Variants in ZNF69 observed in about 807,000 individuals in gnomAD.
ZNF69 encodes ZNF3.
Under a neutral mutation model 50.9 loss-of-function variants are expected in ZNF69, and 47 were observed. That is an observed-to-expected ratio of 0.92 (90% CI 0.73 to 1.18). The LOEUF (loss-of-function observed/expected upper bound fraction) is 1.18, where lower values mean the gene tolerates loss of function less well. Ranked by LOEUF, ZNF69 falls within the 50% of genes most tolerant of loss-of-function variation. The pLI is 0.00. For missense variants in ZNF69, 717 were observed against 675.1 expected (o/e 1.06, Z -0.69); for synonymous variants, 216 against 223.1 (o/e 0.97, Z 0.29).
Position 11,906,238 on chromosome 19 carries a change from A to G in ZNF69, c.*140A>G, listed in dbSNP as rs566977483. 5.3e-6 allele frequency: 8 copies of G among 1,509,368 alleles called. No individual in the cohort carries two copies. The highest frequency in any genetic ancestry group is 1.8e-4 in the Middle Eastern group (1 of 5,594). The allele number at this position is 1,509,368 out of a possible 1,614,324, so 93.5% of individuals were successfully genotyped here. A position where few individuals can be genotyped will look rare whatever the true frequency, so the allele number is the denominator to read the frequency against. On this transcript the variant is annotated 3_prime_UTR_variant, in exon 4 of 4. Coordinates refer to ENST00000429654, the MANE Select transcript of ZNF69 (RefSeq NM_001364730.1). ...AATTCAGTAAAGGACACAAGCACAC[A>G]TAAGAATGCATTCTGGATAGCTGAA...
At chr19:11,904,531 C>T in intron 3 of ZNF69, 118 bp from the exon 4 acceptor site, 1 of 1,381,462 alleles carries the variant, frequency 7.2e-7, no homozygotes, top group South Asian at 1.5e-5. Context: ...ACAATTCAGA[C>T]AGGGCAGAAA....
the ZNF69 span, among the ~76,000 whole-genome samples, chr19:11,966,964 C>T: frequency 6.6e-6 from 1 of 152,130 alleles, no homozygotes; most frequent in Non-Finnish European, 1.5e-5. Context: ...CCTCATCAGA[C>T]CCCAAGAGGG....
At chr19:11,959,686 C>T in the ZNF69 span, among the ~76,000 whole-genome samples, 1 of 152,118 alleles carries the variant, frequency 6.6e-6, no homozygotes. Context: ...ATCTTTTGAT[C>T]TTATTGATAG....
chr19:11,901,690 G>A (rs1161813452), intron 1 of ZNF69, among the ~76,000 whole-genome samples: 7 of 151,710 alleles, frequency 4.6e-5, no homozygotes, highest in South Asian at 2.1e-4. Flanking sequence ...CACCATGTTG[G>A]CCAGAGTGGT....
At chr19:11,921,143 A>G in the ZNF69 span, among the ~76,000 whole-genome samples, 1 of 152,156 alleles carries the variant, frequency 6.6e-6, no homozygotes, top group Non-Finnish European at 1.5e-5. Flanking sequence ...CCAATAATCC[A>G]AAGACTAACA....
rs1281887174 is a variant in ZNF69 at position 11,905,407 on chromosome 19, G to A, written c.1010G>A (p.Cys337Tyr). 3.7e-6 allele frequency: 6 copies of A among 1,614,192 alleles called. No individual in the cohort carries two copies. The highest frequency in any genetic ancestry group is 3.3e-5 in the South Asian group (3 of 91,082). Reference sequence around the variant, plus strand: ...AAAAAACCCTATGAATGTACGCAGTGTGGGAAAGCATTATCCTCTCTTACA... The same window carrying A: ...AAAAAACCCTATGAATGTACGCAGTATGGGAAAGCATTATCCTCTCTTACA... The part of the protein sequence containing the change: ...SRKKPYECTQ[C>Y]GKALSSLTSF... Residue 337 changes from cysteine (C) to tyrosine (Y), a missense_variant, in exon 4 of 4, where the codon TGT becomes TAT. By Grantham distance (194) the Cys-to-Tyr change is radical. Transcript: ENST00000429654.
chr19:11,905,842 T>C lies in ZNF69; in HGVS notation c.1445T>C (p.Leu482Pro). 1.2e-6 allele frequency: 2 copies of C among 1,613,568 alleles called. No individual in the cohort carries two copies. The highest frequency in any genetic ancestry group is 1.7e-6 in the Non-Finnish European group (2 of 1,179,952). ...HSGERPYKCK[L>P]CGKGFYCPKS... is the part of the protein sequence containing the mutation. ...GGAGAAAGACCTTATAAATGTAAGC[T>C]ATGTGGGAAAGGCTTTTATTGTCCC... is the stretch of plus-strand genomic sequence containing the variant. The change falls in exon 4 of 4, where the codon CTA becomes CCA. Residue 482 changes from leucine to proline, a missense_variant. Leu to Pro is a moderately conservative substitution (Grantham distance 98, BLOSUM62 -3). Transcript: ENST00000429654.
the ZNF69 span, among the ~76,000 whole-genome samples, chr19:11,921,288 G>GC: frequency 6.6e-6 from 1 of 151,896 alleles, no homozygotes; most frequent in African/African-American, 2.4e-5. Flanking sequence ...TCCTGCCTCA[G>GC]CCTCCCAAGT....
chr19:11,950,327 CTT>C, the ZNF69 span: 3 of 1,470,490 alleles, frequency 2.0e-6, no homozygotes, highest in African/African-American at 4.3e-5. Flanking sequence ...TGTGGCAAAA[CTT>C]TCACATTTTC....
chr19:11,963,097 G>A, the ZNF69 span, among the ~76,000 whole-genome samples: 2 of 151,788 alleles, frequency 1.3e-5, no homozygotes, highest in East Asian at 3.9e-4. Context: ...GAGTGTGTGT[G>A]TGTGTGTGTG....
the ZNF69 span, among the ~76,000 whole-genome samples, chr19:11,976,235 T>G: frequency 6.6e-6 from 1 of 151,486 alleles, no homozygotes; most frequent in African/African-American, 2.4e-5. Flanking sequence ...TTTCTGCATA[T>G]TAATTCATAG....
the ZNF69 span, among the ~76,000 whole-genome samples, chr19:11,944,279 A>T: frequency 1.3e-5 from 2 of 152,274 alleles, no homozygotes; most frequent in African/African-American, 4.8e-5. Flanking sequence ...ATAATATTTC[A>T]TAAGGGGAAT....
the ZNF69 span, chr19:11,947,168 T>A: frequency 5.0e-6 from 8 of 1,609,138 alleles, no homozygotes; most frequent in Non-Finnish European, 6.8e-6. Context: ...TCTACACATG[T>A]GAGATGTTTC....
intron 1 of ZNF69, among the ~76,000 whole-genome samples, chr19:11,893,406 A>G (rs1977143788): frequency 6.6e-6 from 1 of 152,112 alleles, no homozygotes; most frequent in Non-Finnish European, 1.5e-5. Flanking sequence ...CTCCACCCTC[A>G]TACCACAGCC....
the ZNF69 span, among the ~76,000 whole-genome samples, chr19:11,930,955 C>T: frequency 9.6e-5 from 14 of 146,460 alleles, no homozygotes; most frequent in Admixed American, 6.0e-4. Context: ...GCCGAGATTG[C>T]GCCATTGCTC....
At chr19:11,956,293 G>T in the ZNF69 span, among the ~76,000 whole-genome samples, 1 of 152,176 alleles carries the variant, frequency 6.6e-6, no homozygotes, top group African/African-American at 2.4e-5. Flanking sequence ...ACAAGGAAGA[G>T]AGTTAATCTT....
chr19:11,978,196 G>T, the ZNF69 span: 1 of 1,613,782 alleles, frequency 6.2e-7, no homozygotes, highest in African/African-American at 1.3e-5. Context: ...CCAGATGACA[G>T]GCTGAACTTC....
At chr19:11,902,274 G>A (rs971825641) in intron 1 of ZNF69, among the ~76,000 whole-genome samples, 1 of 152,166 alleles carries the variant, frequency 6.6e-6, no homozygotes, top group African/African-American at 2.4e-5. Context: ...CAGCCACCAT[G>A]CCCGGCTAAG....
the ZNF69 span, among the ~76,000 whole-genome samples, chr19:11,966,413 G>T: frequency 6.6e-6 from 1 of 152,040 alleles, no homozygotes; most frequent in East Asian, 1.9e-4. Flanking sequence ...TCCTTCTGTC[G>T]CCCAGGCTGG....
Sources: gnomAD v4.1 joint callset for allele counts (sites outside exome capture counted in the v4.1 genomes callset) on GRCh38, gnomAD v4.1.1 for gene constraint, MANE v1.5 for transcripts, NCBI Gene and HGNC (gene_info 2026-07-23, HGNC 2026-07-21) for gene names.